The following ZFP91 variants were observed in gnomAD, a reference collection of about 807,000 sequenced individuals.
ZFP91 encodes E3 ubiquitin-protein ligase ZFP91.
In ZFP91, 7 loss-of-function variants were observed where a neutral mutation model predicts 63.5. That is an observed-to-expected ratio of 0.11 (90% CI 0.06 to 0.21). ZFP91 has a LOEUF of 0.21. ZFP91 is among the 10% of genes least tolerant of loss of function. The pLI is 1.00. For synonymous variants in ZFP91, 330 were observed against 272.1 expected (o/e 1.21, Z -2.10); for missense variants, 628 against 736.6 (o/e 0.85, Z 1.71).
chr11:58,588,470 T>C (rs1396748727), intron 2 of ZFP91, among the ~76,000 whole-genome samples: 2 of 152,186 alleles, frequency 1.3e-5, no homozygotes, highest in East Asian at 1.9e-4. Flanking sequence ...TTTTTTCTTA[T>C]ATTGATACAG....
At chr11:58,598,277 AAT>A (rs1304599917) in intron 2 of ZFP91, among the ~76,000 whole-genome samples, 1 of 152,112 alleles carries the variant, frequency 6.6e-6, no homozygotes, top group Non-Finnish European at 1.5e-5. Context: ...AATGTCATCA[AAT>A]AGAGTGGTAT....
intron 6 of ZFP91, 166 bp downstream of exon 6, chr11:58,611,904 C>A: frequency 1.4e-6 from 1 of 701,660 alleles, no homozygotes; most frequent in Non-Finnish European, 2.2e-6. Context: ...ACTGGAGAGA[C>A]TCTTAGTAAA....
Position 58,588,350 on chromosome 11 carries a change from T to G in ZFP91, c.370+3466T>G, listed in dbSNP as rs372098383. Among the ~76,000 whole-genome samples, 8 of 152,288 alleles carry G rather than the reference T, an allele frequency of 5.3e-5. 1 individual carries two copies. The highest frequency in any genetic ancestry group is 1.7e-4 in the African/African-American group (7 of 41,576). On this transcript the variant is annotated intron_variant, in intron 2 of 10. Coordinates refer to ENST00000316059, the MANE Select transcript of ZFP91 (RefSeq NM_053023.5). The stretch of plus-strand genomic sequence containing the variant: ...CTTAGATTATTTGGAGCTTAACTGT[T>G]AAGTATTTACCTTACCTAGTTTATC...
intron 2 of ZFP91, among the ~76,000 whole-genome samples, 164 bp from the exon 3 acceptor site, chr11:58,609,665 GT>G (rs1424701254): frequency 2.0e-5 from 3 of 152,060 alleles, no homozygotes; most frequent in African/African-American, 7.2e-5. Context: ...TTAAGGATAA[GT>G]TTTATCTCAT....
Position 58,617,658 on chromosome 11 carries a change from T to G in ZFP91, c.1665T>G (p.Gly555=), listed in dbSNP as rs1855772014. 6.5e-7 allele frequency: 1 copy of G among 1,544,066 alleles called. No individual in the cohort carries two copies. Among genetic ancestry groups the G allele is most frequent in the African/African-American group, 1.4e-5 (1 of 72,634 alleles). The change falls in exon 11 of 11, where the codon GGT becomes GGG. Residue 555 remains glycine, a synonymous_variant. Coordinates refer to ENST00000316059, the MANE Select transcript of ZFP91 (RefSeq NM_053023.5). The surrounding 1 kb of genome is among the most constrained non-coding windows in gnomAD (Gnocchi z 4.2). ...TGGTTATGAACTCAGATATACTCGG[T>G]GCTACCACAGAGGTTCTGATTGAAG... ...EGLVMNSDIL[G]ATTEVLIEDS... is the part of the protein sequence containing the mutation.
Position 58,587,121 on chromosome 11 carries a change from A to C in ZFP91, c.370+2237A>C, listed in dbSNP as rs138638096. Among the ~76,000 whole-genome samples, 6 of 152,344 alleles carry C rather than the reference A, an allele frequency of 3.9e-5. No homozygotes were observed. In the East Asian group the frequency reaches 1.2e-3, roughly 29 times the overall value. Reference sequence around the variant, plus strand: ...ACTTAAAAAAAAAGTTAAGTTGCAAAGTGCTACATTCATTTTTTTCAAACT... The same window carrying C: ...ACTTAAAAAAAAAGTTAAGTTGCAACGTGCTACATTCATTTTTTTCAAACT... On this transcript the variant is annotated intron_variant, in intron 2 of 10. Coordinates refer to ENST00000316059, the MANE Select transcript of ZFP91 (RefSeq NM_053023.5).
At chr11:58,602,088 A>G (rs1480805884) in intron 2 of ZFP91, among the ~76,000 whole-genome samples, 2 of 152,052 alleles carry the variant, frequency 1.3e-5, no homozygotes, top group Admixed American at 6.6e-5. Flanking sequence ...ATGCCCGGCT[A>G]ATTTTTGTAT....
chr11:58,613,311 CT>C (rs1855696745), intron 8 of ZFP91, among the ~76,000 whole-genome samples: 1 of 152,236 alleles, frequency 6.6e-6, no homozygotes, highest in East Asian at 1.9e-4. Context: ...GTTGAACTTG[CT>C]TTTGTAACAA....
chr11:58,579,719 T>C (rs1035736345), intron 1 of ZFP91, 97 bp downstream of exon 1: 3 of 1,212,804 alleles, frequency 2.5e-6, no homozygotes, highest in Non-Finnish European at 3.3e-6. Context: ...ACATCCTGCC[T>C]GGTCTGCCCC....
intron 2 of ZFP91, among the ~76,000 whole-genome samples, chr11:58,603,359 A>C (rs932434321): frequency 2.6e-5 from 4 of 152,240 alleles, no homozygotes; most frequent in Admixed American, 6.5e-5. Context: ...GTATTGTGGT[A>C]CAGGACCAAG....
intron 7 of ZFP91, 119 bp downstream of exon 7, chr11:58,612,447 A>C (rs2076495605): frequency 1.1e-6 from 1 of 940,940 alleles, no homozygotes; most frequent in Non-Finnish European, 1.6e-6. Context: ...CACAAAAGCA[A>C]CTTCACTAAT....
Position 58,619,357 on chromosome 11 carries a change from G to T in ZFP91, c.*1651G>T, listed in dbSNP as rs1266415088. 6.6e-6 allele frequency: 1 copy of T among 152,142 alleles called. No homozygotes were observed. Among genetic ancestry groups the T allele is most frequent in the African/African-American group, 2.4e-5 (1 of 41,416 alleles). 9.4% of individuals were successfully genotyped at this position (152,142 alleles called of 1,614,324 possible). On this transcript the variant is annotated 3_prime_UTR_variant, in exon 11 of 11. Coordinates refer to ENST00000316059, the MANE Select transcript of ZFP91 (RefSeq NM_053023.5). ...GCCAGAAGCCCCAAATCCTATTTTG[G>T]CTCATCTTCAGGTAAAGAGTAATTC...
chr11:58,596,520 TGTTA>T (rs1477739442), intron 2 of ZFP91, among the ~76,000 whole-genome samples: 1 of 152,206 alleles, frequency 6.6e-6, no homozygotes, highest in Non-Finnish European at 1.5e-5. Flanking sequence ...AAGTTTTTAA[TGTTA>T]GTTTGTTTTC....
intron 2 of ZFP91, among the ~76,000 whole-genome samples, chr11:58,602,515 AGATT>A (rs1855507684): frequency 1.3e-5 from 2 of 152,092 alleles, no homozygotes; most frequent in South Asian, 4.1e-4. Flanking sequence ...TATATTTTCT[AGATT>A]GATTGACCCT....
intron 9 of ZFP91, among the ~76,000 whole-genome samples, chr11:58,615,513 G>A (rs1484604060): frequency 1.3e-5 from 2 of 152,168 alleles, no homozygotes; most frequent in Non-Finnish European, 2.9e-5. Context: ...TTGCAAATTA[G>A]TATATACAGA....
rs1437515801 is a variant in ZFP91, at chr11:58,579,144, G to A, written c.-138G>A. 4.3e-6 allele frequency: 3 copies of A among 698,138 alleles called. No homozygotes were observed. The highest frequency in any genetic ancestry group is 4.0e-5 in the African/African-American group (2 of 50,230). The allele number at this position is 698,138 out of a possible 1,614,324, so 43.2% of individuals were successfully genotyped here. ...GGGGGCGCCCTCGGAGCCGGGCGGA[G>A]GGGAGGGGGGAAAGAGGAGCGCAGG... On this transcript the variant is annotated 5_prime_UTR_variant, in exon 1 of 11. Coordinates refer to ENST00000316059, the MANE Select transcript of ZFP91 (RefSeq NM_053023.5).
intron 2 of ZFP91, among the ~76,000 whole-genome samples, chr11:58,591,775 C>T (rs1855310828): frequency 6.6e-6 from 1 of 152,102 alleles, no homozygotes; most frequent in South Asian, 2.1e-4. Flanking sequence ...TATCTAGAGT[C>T]TATTCCAGTA....
In ZFP91 at chr11:58,621,276, T is replaced by G. The variant is rs1350134595; in HGVS notation, c.*3570T>G. The stretch of plus-strand genomic sequence containing the variant: ...TCTTGATGTTTTGACAACTGCCTCC[T>G]AGGAAAACTGGCCATATGTTAATTA... On this transcript the variant is annotated 3_prime_UTR_variant, in exon 11 of 11. Transcript: ENST00000316059. Among the ~76,000 whole-genome samples, 1 of 152,152 alleles carries G rather than the reference T, an allele frequency of 6.6e-6. No individual in the cohort carries two copies. The highest frequency in any genetic ancestry group is 1.9e-4 in the East Asian group (1 of 5,200).
intron 2 of ZFP91, among the ~76,000 whole-genome samples, chr11:58,604,543 A>G (rs1855540386): frequency 6.6e-6 from 1 of 152,198 alleles, no homozygotes. Context: ...GTAGACTAAT[A>G]CATTATTTCA....
Sources: gnomAD v4.1 joint callset for allele counts (sites outside exome capture counted in the v4.1 genomes callset) on GRCh38, gnomAD v4.1.1 for gene constraint, Gnocchi (gnomAD v3.1) non-coding constraint, MANE v1.5 for transcripts, NCBI Gene and HGNC (gene_info 2026-07-23, HGNC 2026-07-21) for gene names.